The following UNC5C variants were observed in gnomAD, a reference collection of about 807,000 sequenced individuals.
UNC5C encodes the protein unc-5 netrin receptor C, also known as netrin receptor UNC5C.
UNC5C carries 47 observed loss-of-function variants against 99.8 expected under a neutral mutation model. The observed-to-expected ratio is 0.47, with a 90% CI of 0.37 to 0.60. The LOEUF is 0.60. UNC5C is among the 20% of genes least tolerant of loss of function. The pLI is 0.00. For missense variants in UNC5C, 1,062 were observed against 1,165.9 expected (o/e 0.91, Z 1.30); for synonymous variants, 487 against 452.2 (o/e 1.08, Z -0.98).
At chr4:95,447,300 T>C (rs1747133326) in intron 1 of UNC5C, among the ~76,000 whole-genome samples, 2 of 152,188 alleles carry the variant, frequency 1.3e-5, no homozygotes, top group African/African-American at 4.8e-5. Context: ...AGGTCCCATT[T>C]ATTGAGCACT....
chr4:95,381,125 T>C (rs754432637), intron 1 of UNC5C, among the ~76,000 whole-genome samples: 69 of 152,294 alleles, frequency 4.5e-4, no homozygotes, highest in South Asian at 1.0e-3. Context: ...TAGAAACATA[T>C]ACTTAAAAAA....
chr4:95,300,712 C>T (rs1341075009), intron 3 of UNC5C, among the ~76,000 whole-genome samples: 1 of 151,994 alleles, frequency 6.6e-6, no homozygotes, highest in Admixed American at 6.6e-5. Flanking sequence ...AGAAAAATTA[C>T]TCAGTGCCTT....
At chr4:95,248,004 C>T (rs1266426309) in intron 5 of UNC5C, 1 of 152,452 alleles carries the variant, frequency 6.6e-6, no homozygotes, top group East Asian at 1.9e-4. Context: ...CAATTCAACA[C>T]AGCCATTATC....
chr4:95,237,933 T>C (rs1362052771), intron 7 of UNC5C, among the ~76,000 whole-genome samples: 1 of 152,052 alleles, frequency 6.6e-6, no homozygotes, highest in Non-Finnish European at 1.5e-5. Flanking sequence ...TCCCAGCTAC[T>C]CAGGAGGCTG....
chr4:95,268,018 C>G (rs1180025240), intron 4 of UNC5C, among the ~76,000 whole-genome samples: 8 of 142,796 alleles, frequency 5.6e-5, no homozygotes, highest in Non-Finnish European at 1.2e-4. Flanking sequence ...GGCGCGATCT[C>G]GGCTCACTGC....
intron 1 of UNC5C, among the ~76,000 whole-genome samples, chr4:95,396,559 C>T (rs985841499): frequency 6.6e-6 from 1 of 152,066 alleles, no homozygotes; most frequent in Non-Finnish European, 1.5e-5. Context: ...CAGTTTAAAG[C>T]CTGAAAACCG....
intron 10 of UNC5C, among the ~76,000 whole-genome samples, chr4:95,215,791 A>G (rs1738225799): frequency 6.6e-6 from 1 of 152,124 alleles, no homozygotes; most frequent in Non-Finnish European, 1.5e-5. Context: ...CCTGAGCCAG[A>G]TGCCATGAAG....
chr4:95,486,513 T>C (rs1255249160), intron 1 of UNC5C, among the ~76,000 whole-genome samples: 1 of 151,614 alleles, frequency 6.6e-6, no homozygotes, highest in Non-Finnish European at 1.5e-5. Flanking sequence ...GTATATGGTG[T>C]CCATATTTAT....
At chr4:95,266,363 C>T (rs559688258) in intron 4 of UNC5C, among the ~76,000 whole-genome samples, 10 of 152,298 alleles carry the variant, frequency 6.6e-5, no homozygotes, top group South Asian at 2.1e-4. Context: ...ATTCTACTGA[C>T]GCCTTCAGTC....
intron 1 of UNC5C, among the ~76,000 whole-genome samples, chr4:95,456,740 A>G (rs1349412308): frequency 6.6e-6 from 1 of 152,184 alleles, no homozygotes; most frequent in Non-Finnish European, 1.5e-5. Context: ...TTTTAAAAAT[A>G]TAATTAGATA....
intron 3 of UNC5C, among the ~76,000 whole-genome samples, chr4:95,290,739 A>G (rs1163794434): frequency 6.6e-6 from 1 of 152,224 alleles, no homozygotes; most frequent in Non-Finnish European, 1.5e-5. Context: ...AAGAATAAGG[A>G]CAATCGACTT....
At chr4:95,485,401 C>A (rs1373858038) in intron 1 of UNC5C, among the ~76,000 whole-genome samples, 1 of 151,728 alleles carries the variant, frequency 6.6e-6, no homozygotes, top group Non-Finnish European at 1.5e-5. Flanking sequence ...AGAAAATGAT[C>A]TGTAAGAACT....
chr4:95,515,421 A>G (rs1023971657), intron 1 of UNC5C, among the ~76,000 whole-genome samples: 1 of 152,202 alleles, frequency 6.6e-6, no homozygotes, highest in African/African-American at 2.4e-5. Flanking sequence ...GCACAGCCCT[A>G]TAGTCTGAAT....
At chr4:95,304,647 G>A (rs1185194759) in intron 2 of UNC5C, among the ~76,000 whole-genome samples, 3 of 151,972 alleles carry the variant, frequency 2.0e-5, no homozygotes, top group Non-Finnish European at 2.9e-5. Context: ...CCTCTTCATG[G>A]GGAAATTCAG....
At chr4:95,202,986 C>T (rs751029319) in intron 11 of UNC5C, 22 bp from the exon 12 acceptor site, 4 of 1,612,654 alleles carry the variant, frequency 2.5e-6, no homozygotes, top group Admixed American at 3.3e-5. Context: ...GAGGGAAGGG[C>T]CATGGCTAAG....
At chr4:95,296,049 T>C (rs1004596003) in intron 3 of UNC5C, among the ~76,000 whole-genome samples, 1 of 152,170 alleles carries the variant, frequency 6.6e-6, no homozygotes, top group Non-Finnish European at 1.5e-5. Flanking sequence ...GATTGTGCTA[T>C]TGCACTCCCG....
At chr4:95,339,743 T>C (rs1303046418) in intron 1 of UNC5C, among the ~76,000 whole-genome samples, 2 of 152,120 alleles carry the variant, frequency 1.3e-5, no homozygotes, top group African/African-American at 4.8e-5. Flanking sequence ...TGGTATTGAC[T>C]GCATTGTGCT....
At chr4:95,175,935 G>T (rs1736323178) in intron 14 of UNC5C, among the ~76,000 whole-genome samples, 1 of 151,470 alleles carries the variant, frequency 6.6e-6, no homozygotes, top group Non-Finnish European at 1.5e-5. Context: ...TGGAGGCTTT[G>T]CTCATTTCTT....
chr4:95,383,923 C>T (rs555034435), intron 1 of UNC5C, among the ~76,000 whole-genome samples: 1 of 152,140 alleles, frequency 6.6e-6, no homozygotes, highest in Non-Finnish European at 1.5e-5. Context: ...ATGGTTTCCT[C>T]TTCACATCAG....
Sources: allele counts gnomAD v4.1 joint callset (sites outside exome capture counted in the v4.1 genomes callset), GRCh38; gene constraint gnomAD v4.1.1; transcripts MANE v1.5; gene names NCBI Gene and HGNC (gene_info 2026-07-23, HGNC 2026-07-21).